Variants in RASAL2 observed in about 807,000 individuals in gnomAD.
RASAL2 encodes RAS protein activator like 2.
RASAL2 carries 58 observed loss-of-function variants against 128.9 expected under a neutral mutation model. The ratio of observed to expected loss-of-function variants is 0.45; its 90% CI spans 0.36 to 0.56. The LOEUF is 0.56. Among genes scored for constraint, RASAL2 ranks in the 20% least tolerant of loss-of-function variants. The pLI is 0.00. For synonymous variants in RASAL2, 561 were observed against 580.8 expected (o/e 0.97, Z 0.49); for missense variants, 1,360 against 1,601.6 (o/e 0.85, Z 2.57).
intron 1 of RASAL2, among the ~76,000 whole-genome samples, chr1:178,224,498 G>T (rs1057216740): frequency 2.0e-5 from 3 of 152,040 alleles, no homozygotes; most frequent in Non-Finnish European, 4.4e-5. Flanking sequence ...TAGGAAATGG[G>T]AAGAGGATGT....
chr1:178,325,357 G>T (rs534722756), intron 3 of RASAL2, among the ~76,000 whole-genome samples: 1 of 152,028 alleles, frequency 6.6e-6, no homozygotes, highest in Non-Finnish European at 1.5e-5. Context: ...CCTCTTAAAG[G>T]CCTTTAGGTT....
chr1:178,293,708 T>C (rs1667378146), intron 2 of RASAL2, among the ~76,000 whole-genome samples: 1 of 152,238 alleles, frequency 6.6e-6, no homozygotes, highest in Non-Finnish European at 1.5e-5. Flanking sequence ...CACTTATTTG[T>C]GAACTATTTT....
intron 8 of RASAL2, among the ~76,000 whole-genome samples, chr1:178,444,663 TA>T (rs1180204134): frequency 6.6e-6 from 1 of 152,106 alleles, no homozygotes; most frequent in African/African-American, 2.4e-5. Flanking sequence ...TATTTCCCCT[TA>T]TGCTATCCTT....
intron 3 of RASAL2, among the ~76,000 whole-genome samples, chr1:178,365,794 T>C (rs895792091): frequency 6.6e-6 from 1 of 152,132 alleles, no homozygotes; most frequent in African/African-American, 2.4e-5. Flanking sequence ...AGAAAACTAG[T>C]TATTCTTGCT....
intron 1 of RASAL2, among the ~76,000 whole-genome samples, chr1:178,269,305 T>A (rs966665628): frequency 3.3e-5 from 5 of 152,236 alleles, no homozygotes; most frequent in African/African-American, 1.2e-4. Flanking sequence ...TTGTGTTGTT[T>A]AACTCACACC....
At chr1:178,123,436 G>C (rs1303994964) in intron 1 of RASAL2, among the ~76,000 whole-genome samples, 1 of 152,062 alleles carries the variant, frequency 6.6e-6, no homozygotes, top group Non-Finnish European at 1.5e-5. Context: ...ATAATTCAGG[G>C]CTTTGAACAT....
intron 1 of RASAL2, among the ~76,000 whole-genome samples, chr1:178,155,742 G>A (rs1460528436): frequency 2.6e-5 from 4 of 150,972 alleles, no homozygotes; most frequent in African/African-American, 9.7e-5. Flanking sequence ...CTTTACCACA[G>A]ATGACTGTCA....
At chr1:178,213,481 A>G (rs1172252006) in intron 1 of RASAL2, among the ~76,000 whole-genome samples, 3 of 152,198 alleles carry the variant, frequency 2.0e-5, no homozygotes, top group Non-Finnish European at 4.4e-5. Flanking sequence ...ATAGACAAAA[A>G]CTGGATACGA....
At chr1:178,263,416 A>C (rs767596900) in intron 1 of RASAL2, among the ~76,000 whole-genome samples, 1 of 152,200 alleles carries the variant, frequency 6.6e-6, no homozygotes, top group Non-Finnish European at 1.5e-5. Context: ...TAAGAAGTTA[A>C]GTATCTTGAC....
intron 4 of RASAL2, among the ~76,000 whole-genome samples, chr1:178,394,733 A>G (rs1307778009): frequency 4.6e-5 from 7 of 152,210 alleles, no homozygotes; most frequent in Non-Finnish European, 1.0e-4. Flanking sequence ...AATTATGCCA[A>G]GACATCCAGA....
chr1:178,424,466 T>A (rs1675388777), intron 5 of RASAL2, among the ~76,000 whole-genome samples: 1 of 152,092 alleles, frequency 6.6e-6, no homozygotes, highest in Non-Finnish European at 1.5e-5. Context: ...ATTACACTTT[T>A]ATTTTTATTT....
At chr1:178,449,657 C>G (rs1677245185) in intron 9 of RASAL2, among the ~76,000 whole-genome samples, 2 of 152,028 alleles carry the variant, frequency 1.3e-5, no homozygotes, top group South Asian at 4.2e-4. Flanking sequence ...AAAAGCCTCT[C>G]CTTTCAATAT....
At chr1:178,398,376 T>G (rs1384491547) in intron 4 of RASAL2, among the ~76,000 whole-genome samples, 1 of 152,226 alleles carries the variant, frequency 6.6e-6, no homozygotes, top group Non-Finnish European at 1.5e-5. Context: ...TGTTATAGTT[T>G]CTTCTATAAA....
Position 178,204,056 on chromosome 1 carries a change from T to C in RASAL2, c.203-79508T>C, listed in dbSNP as rs147886022. 3.7e-3 allele frequency among the ~76,000 whole-genome samples: 570 copies of C among 152,338 alleles called. 2 individuals carry two copies. Among genetic ancestry groups the C allele is most frequent in the African/African-American group, 0.013 (530 of 41,590 alleles). ...AGGTCATCAATACCAGCTACAACCA[T>C]GTGGCCAGTTGCAGAAATGAGGACC... On this transcript the variant is annotated intron_variant, in intron 1 of 17. Coordinates refer to ENST00000367649, the MANE Select transcript of RASAL2 (RefSeq NM_170692.4).
At chr1:178,350,323 C>T (rs569786574) in intron 3 of RASAL2, among the ~76,000 whole-genome samples, 3 of 152,280 alleles carry the variant, frequency 2.0e-5, no homozygotes, top group South Asian at 2.1e-4. Flanking sequence ...TGGGTTCAAG[C>T]GATCCTCTCG....
chr1:178,409,377 G>A (rs1674210944), intron 4 of RASAL2, among the ~76,000 whole-genome samples: 2 of 152,270 alleles, frequency 1.3e-5, no homozygotes, highest in South Asian at 4.1e-4. Context: ...TCTCTATAAA[G>A]CACAGTGGAG....
rs372760811 is a variant in RASAL2 at position 178,303,252 on chromosome 1, C to G, written c.457+3134C>G. On this transcript the variant is annotated intron_variant, in intron 3 of 17. Transcript: ENST00000367649. ...ACCTATAAGATAGTGACCTTATAACCATGCACAATATCAATTCCAAGATCT... is the reference window on the plus strand; with the variant it reads ...ACCTATAAGATAGTGACCTTATAACGATGCACAATATCAATTCCAAGATCT... Among the ~76,000 whole-genome samples, 15 of 152,096 alleles carry G rather than the reference C, an allele frequency of 9.9e-5. No homozygotes were observed. In the East Asian group the frequency reaches 2.5e-3, roughly 26 times the overall value.
chr1:178,179,834 A>T (rs1662025889), intron 1 of RASAL2, among the ~76,000 whole-genome samples: 1 of 152,244 alleles, frequency 6.6e-6, no homozygotes, highest in African/African-American at 2.4e-5. Flanking sequence ...CACACAAAGC[A>T]GCTCAACAAA....
chr1:178,341,494 G>C (rs748377461), intron 3 of RASAL2: 111 of 1,579,498 alleles, frequency 7.0e-5, no homozygotes, highest in Non-Finnish European at 4.0e-5. Context: ...AAAAGGGAGA[G>C]AGCAGGAAAG....
Sources: allele counts gnomAD v4.1 joint callset (sites outside exome capture counted in the v4.1 genomes callset), GRCh38; gene constraint gnomAD v4.1.1; transcripts MANE v1.5; gene names NCBI Gene and HGNC (gene_info 2026-07-23, HGNC 2026-07-21).